TAFA2: variants seen among roughly 807,000 people sequenced by gnomAD.
TAFA2 encodes the protein chemokine-like protein TAFA-2.
Under a neutral mutation model 18.8 loss-of-function variants are expected in TAFA2, and 7 were observed. The ratio of observed to expected loss-of-function variants is 0.37; its 90% CI spans 0.21 to 0.70. TAFA2 has a LOEUF of 0.70. Among genes scored for constraint, TAFA2 ranks in the 30% least tolerant of loss-of-function variants. TAFA2 has a pLI of 0.53. For synonymous variants in TAFA2, 60 were observed against 54.2 expected (o/e 1.11, Z -0.47); for missense variants, 122 against 158.1 (o/e 0.77, Z 1.23).
rs376002933 is a variant in TAFA2 at position 62,108,188 on chromosome 12, C to T, written c.-2+83071G>A. On this transcript the variant is annotated intron_variant, in intron 1 of 4. Coordinates refer to ENST00000416284, the MANE Select transcript of TAFA2 (RefSeq NM_178539.5). ...GTGTGTGATGTTCCCCTCCCTGTAT[C>T]CATGTGTTCTCACTGTTCAACTCCC... 2.0e-5 allele frequency among the ~76,000 whole-genome samples: 3 copies of T among 151,898 alleles called. No individual in the cohort carries two copies. In the East Asian group the frequency reaches 5.8e-4, roughly 29 times the overall value.
rs190879191 is a variant in TAFA2, at chr12:61,720,888, C to A, written c.385-10471G>T. On this transcript the variant is annotated intron_variant, in intron 4 of 4. Coordinates refer to ENST00000416284, the MANE Select transcript of TAFA2 (RefSeq NM_178539.5). ...GCACAGCAGAAACCTTCTCTTTCTA[C>A]TTCTCCATTCGAACTTGAAGAGTTT... 1.2e-5 allele frequency: 6 copies of A among 517,050 alleles called. No homozygotes were observed. The East Asian group carries it at 3.3e-4, about 28-fold the overall frequency. 32.0% of individuals were successfully genotyped at this position (517,050 alleles called of 1,614,324 possible).
At chr12:62,246,449 TTCA>T (rs912606049) in intron 1 of TAFA2, among the ~76,000 whole-genome samples, 3 of 152,232 alleles carry the variant, frequency 2.0e-5, no homozygotes, top group African/African-American at 7.2e-5. Flanking sequence ...TTGTAAATAT[TTCA>T]TCATTATTTG....
rs918809777 is a variant in TAFA2 at position 61,709,363 on chromosome 12, T to C, written c.*1043A>G. 6.6e-6 allele frequency: 1 copy of C among 152,088 alleles called. No homozygotes were observed. The highest frequency in any genetic ancestry group is 2.4e-5 in the African/African-American group (1 of 41,424). The allele number at this position is 152,088 out of a possible 1,614,324, so 9.4% of individuals were successfully genotyped here. ...ATGAACAATTTTTTCTATCAACAGA[T>C]TGAACAAATATATAAGCATTCAAAC... On this transcript the variant is annotated 3_prime_UTR_variant, in exon 5 of 5. Transcript: ENST00000416284.
At chr12:61,924,116 G>T (rs1282333702) in intron 1 of TAFA2, among the ~76,000 whole-genome samples, 1 of 152,026 alleles carries the variant, frequency 6.6e-6, no homozygotes, top group African/African-American at 2.4e-5. Flanking sequence ...CGTTTCATTG[G>T]TGTACCTGAA....
At chr12:62,001,253 T>C (rs1001434529) in intron 1 of TAFA2, among the ~76,000 whole-genome samples, 1 of 152,132 alleles carries the variant, frequency 6.6e-6, no homozygotes. Context: ...CCCCAACCTT[T>C]TTGGCATGAG....
At chr12:62,039,734 C>T (rs552451668) in intron 1 of TAFA2, among the ~76,000 whole-genome samples, 25 of 152,250 alleles carry the variant, frequency 1.6e-4, no homozygotes, top group African/African-American at 6.0e-4. Flanking sequence ...TATACACTTG[C>T]ACAATCAACT....
chr12:62,089,462 T>A (rs1406873527), intron 1 of TAFA2, among the ~76,000 whole-genome samples: 2 of 152,056 alleles, frequency 1.3e-5, no homozygotes, highest in African/African-American at 4.8e-5. Flanking sequence ...CTGATTTTTT[T>A]TAAATTTCAG....
At chr12:61,715,124 C>A (rs1049317495) in intron 4 of TAFA2, among the ~76,000 whole-genome samples, 1 of 152,102 alleles carries the variant, frequency 6.6e-6, no homozygotes, top group Admixed American at 6.6e-5. Flanking sequence ...AAACAAGATA[C>A]AAAAGGTGAT....
intron 2 of TAFA2, among the ~76,000 whole-genome samples, chr12:61,864,356 CTA>C (rs200715504): frequency 1.8e-4 from 26 of 146,324 alleles, no homozygotes; most frequent in Admixed American, 4.8e-4. Flanking sequence ...GTATATATTT[CTA>C]TATATATATA....
chr12:61,870,754 A>G (rs1470610026), intron 1 of TAFA2, among the ~76,000 whole-genome samples: 2 of 152,128 alleles, frequency 1.3e-5, no homozygotes, highest in Non-Finnish European at 2.9e-5. Flanking sequence ...CTACTCTTCA[A>G]AATGGGTAAC....
intron 1 of TAFA2, among the ~76,000 whole-genome samples, chr12:62,114,371 T>A (rs1869869615): frequency 6.6e-6 from 1 of 152,122 alleles, no homozygotes; most frequent in Non-Finnish European, 1.5e-5. Context: ...CAGTTAGAAA[T>A]GTAGAAATCA....
At chr12:61,718,783 T>C (rs957027323) in intron 4 of TAFA2, among the ~76,000 whole-genome samples, 1 of 152,204 alleles carries the variant, frequency 6.6e-6, no homozygotes, top group South Asian at 2.1e-4. Context: ...TTTGAATTGA[T>C]AGTTTTTATC....
chr12:61,969,772 G>A (rs1234075631), intron 1 of TAFA2, among the ~76,000 whole-genome samples: 4 of 151,632 alleles, frequency 2.6e-5, no homozygotes, highest in Non-Finnish European at 5.9e-5. Context: ...CTCAATACAC[G>A]TTTGAACTTG....
At chr12:62,190,362 T>C (rs1165088916) in intron 1 of TAFA2, among the ~76,000 whole-genome samples, 1 of 152,126 alleles carries the variant, frequency 6.6e-6, no homozygotes, top group Non-Finnish European at 1.5e-5. Context: ...CGTTCCCCCA[T>C]TGATAAGTGA....
intron 1 of TAFA2, among the ~76,000 whole-genome samples, chr12:62,172,946 A>G (rs1299528555): frequency 1.1e-5 from 1 of 93,430 alleles, no homozygotes; most frequent in African/African-American, 3.6e-5. Flanking sequence ...TTTGACTCTC[A>G]ACTATCTAAC....
At chr12:61,996,034 G>A (rs566284186) in intron 1 of TAFA2, among the ~76,000 whole-genome samples, 7 of 149,792 alleles carry the variant, frequency 4.7e-5, no homozygotes, top group Non-Finnish European at 7.4e-5. Flanking sequence ...TTTTTCTTTT[G>A]ACATTGTATT....
intron 1 of TAFA2, chr12:62,021,646 G>T: frequency 1.6e-6 from 2 of 1,216,156 alleles, no homozygotes. Context: ...GTGGTGTGCA[G>T]TATCTCATCT....
chr12:62,018,092 T>C (rs554038410), intron 1 of TAFA2, among the ~76,000 whole-genome samples: 7 of 152,262 alleles, frequency 4.6e-5, no homozygotes, highest in African/African-American at 1.7e-4. Context: ...GGGAGAGATA[T>C]GATATAAGGT....
At position 62,084,864 on chromosome 12, in the gene TAFA2, C is replaced by T. The variant is rs548776219; in HGVS notation, c.-2+106395G>A. 7.6e-4 allele frequency among the ~76,000 whole-genome samples: 115 copies of T among 152,188 alleles called. 1 individual carries two copies. Among genetic ancestry groups the T allele is most frequent in the Non-Finnish European group, 1.5e-3 (102 of 68,000 alleles). ...ATATCTGGTAGAATACTCTTTCTCCCAATGCTGAATAGCATCAACAAGCTG... is the reference window on the plus strand; with the variant it reads ...ATATCTGGTAGAATACTCTTTCTCCTAATGCTGAATAGCATCAACAAGCTG... On this transcript the variant is annotated intron_variant, in intron 1 of 4. Coordinates refer to ENST00000416284, the MANE Select transcript of TAFA2 (RefSeq NM_178539.5).
Sources: allele counts gnomAD v4.1 joint callset (sites outside exome capture counted in the v4.1 genomes callset), GRCh38; gene constraint gnomAD v4.1.1; transcripts MANE v1.5; gene names NCBI Gene and HGNC (gene_info 2026-07-23, HGNC 2026-07-21).